Variants in NOL4 observed in about 807,000 individuals in gnomAD.
NOL4 encodes cancer/testis antigen 125.
Under a neutral mutation model 75.9 loss-of-function variants are expected in NOL4, and 17 were observed. The ratio of observed to expected loss-of-function variants is 0.22; its 90% CI spans 0.15 to 0.34. The LOEUF (loss-of-function observed/expected upper bound fraction) is 0.34. Ranked by LOEUF, NOL4 falls within the 10% of genes least tolerant of loss-of-function variation. The pLI, the probability that NOL4 is intolerant of heterozygous loss-of-function variation, is 1.00. For synonymous variants in NOL4, 292 were observed against 289.9 expected (o/e 1.01, Z -0.07); for missense variants, 614 against 793.5 (o/e 0.77, Z 2.72).
intron 9 of NOL4, among the ~76,000 whole-genome samples, chr18:33,929,350 T>C (rs1354137558): frequency 6.6e-6 from 1 of 152,162 alleles, no homozygotes; most frequent in African/African-American, 2.4e-5. Flanking sequence ...TTTCTGTCAA[T>C]ATCTTCATTA....
intron 6 of NOL4, among the ~76,000 whole-genome samples, chr18:33,993,272 C>G (rs2073051619): frequency 6.6e-6 from 1 of 151,884 alleles, no homozygotes; most frequent in Admixed American, 6.6e-5. Flanking sequence ...CAACTAATAG[C>G]TGGGTGTGAT....
chr18:34,047,063 T>G (rs1277240179), intron 5 of NOL4, among the ~76,000 whole-genome samples: 1 of 152,068 alleles, frequency 6.6e-6, no homozygotes, highest in Non-Finnish European at 1.5e-5. Flanking sequence ...GTATAACCCT[T>G]CTAGTTTTGT....
At chr18:33,855,771 A>T (rs2062810064) in intron 10 of NOL4, among the ~76,000 whole-genome samples, 1 of 152,098 alleles carries the variant, frequency 6.6e-6, no homozygotes, top group Non-Finnish European at 1.5e-5. Context: ...TTTAAGTTAT[A>T]AATAAATTTC....
chr18:33,899,659 C>T (rs1174657011), intron 9 of NOL4, among the ~76,000 whole-genome samples: 1 of 152,158 alleles, frequency 6.6e-6, no homozygotes, highest in Non-Finnish European at 1.5e-5. Context: ...AGTGAATGGA[C>T]TCGATTCAGA....
chr18:33,995,189 A>C (rs932211077), intron 6 of NOL4, among the ~76,000 whole-genome samples: 3 of 151,594 alleles, frequency 2.0e-5, no homozygotes, highest in Admixed American at 2.0e-4. Context: ...ACGTTTAAAA[A>C]CAGATGACTA....
intron 1 of NOL4, among the ~76,000 whole-genome samples, chr18:34,174,286 C>A (rs1477360251): frequency 7.8e-6 from 1 of 128,016 alleles, no homozygotes; most frequent in Non-Finnish European, 1.6e-5. Context: ...AGAGAAAGAA[C>A]CTCTGAAAAT....
intron 9 of NOL4, among the ~76,000 whole-genome samples, chr18:33,936,215 A>C (rs912754057): frequency 6.6e-6 from 1 of 152,096 alleles, no homozygotes; most frequent in East Asian, 1.9e-4. Flanking sequence ...CAACCTTTGC[A>C]CCTGCAATTA....
chr18:34,084,217 G>A (rs1488840955), intron 5 of NOL4, among the ~76,000 whole-genome samples: 1 of 152,102 alleles, frequency 6.6e-6, no homozygotes, highest in Admixed American at 6.5e-5. Flanking sequence ...TGGGCTGGGT[G>A]GAATCCCCCT....
chr18:34,149,509 T>C (rs1438640755), intron 1 of NOL4, among the ~76,000 whole-genome samples: 2 of 151,624 alleles, frequency 1.3e-5, no homozygotes, highest in African/African-American at 4.8e-5. Context: ...ATTCTTTCAC[T>C]ACTAAATTAA....
intron 9 of NOL4, among the ~76,000 whole-genome samples, chr18:33,886,777 A>G (rs573087349): frequency 1.4e-5 from 2 of 145,556 alleles, no homozygotes; most frequent in African/African-American, 2.5e-5. Flanking sequence ...ATATCTATAT[A>G]TATATATCTA....
At chr18:34,117,406 A>C (rs2079911854) in intron 2 of NOL4, among the ~76,000 whole-genome samples, 1 of 152,228 alleles carries the variant, frequency 6.6e-6, no homozygotes, top group African/African-American at 2.4e-5. Context: ...AAGAGCTGGG[A>C]TATTAACCTC....
chr18:34,010,072 ACCCTAAGAT>A (rs201630949), intron 6 of NOL4, among the ~76,000 whole-genome samples: 1,871 of 151,880 alleles, frequency 0.012, 30 homozygotes, highest in East Asian at 0.087. Flanking sequence ...ACCCCAGCTA[ACCCTAAGAT>A]CGCCATTTTA....
Position 33,911,705 on chromosome 18 carries a change from TC to T in NOL4, c.1543-28282del, listed in dbSNP as rs1252287083. On this transcript the variant is annotated intron_variant, in intron 9 of 10. Transcript: ENST00000261592. ...ATATTTAAGTGCCAGGACTATAATT[TC>T]CCCCCTCTGGCTTCTTCGTTTCTGG... is the stretch of plus-strand genomic sequence containing the variant. 3.9e-5 allele frequency among the ~76,000 whole-genome samples: 6 copies of T among 152,126 alleles called. No homozygotes were observed. In the East Asian group the frequency reaches 9.6e-4, roughly 24 times the overall value.
In NOL4 at chr18:33,851,577, A is replaced by G. The variant is rs1340813075; in HGVS notation, c.*1265T>C. On this transcript the variant is annotated 3_prime_UTR_variant, in exon 11 of 11. Coordinates refer to ENST00000261592, the MANE Select transcript of NOL4 (RefSeq NM_003787.5). Reference sequence around the variant, plus strand: ...TAATCCAACCAAAGCTAAACAACAGAAAAAAGTTGTATAAGAAGCATGAAC... The same window carrying G: ...TAATCCAACCAAAGCTAAACAACAGGAAAAAGTTGTATAAGAAGCATGAAC... 6.6e-6 allele frequency: 1 copy of G among 152,470 alleles called. No individual in the cohort carries two copies. The highest frequency in any genetic ancestry group is 1.5e-5 in the Non-Finnish European group (1 of 67,990). 9.4% of individuals were successfully genotyped at this position (152,470 alleles called of 1,614,324 possible).
At chr18:33,991,532 A>T (rs965786016) in intron 6 of NOL4, among the ~76,000 whole-genome samples, 37 of 151,774 alleles carry the variant, frequency 2.4e-4, no homozygotes, top group East Asian at 9.7e-4. Flanking sequence ...ATTACACTGC[A>T]TTTTTTTTAC....
chr18:33,889,183 G>A (rs2064948987), intron 9 of NOL4, among the ~76,000 whole-genome samples: 1 of 151,876 alleles, frequency 6.6e-6, no homozygotes, highest in African/African-American at 2.4e-5. Context: ...AATGATAAAG[G>A]GGATATCACC....
chr18:33,953,170 G>A (rs1230500422), intron 8 of NOL4, among the ~76,000 whole-genome samples: 4 of 128,468 alleles, frequency 3.1e-5, no homozygotes, highest in South Asian at 2.3e-4. Context: ...ATTGTCTAAC[G>A]AGATGTTAGA....
chr18:33,859,639 C>A (rs1240248203), intron 10 of NOL4, among the ~76,000 whole-genome samples: 2 of 152,154 alleles, frequency 1.3e-5, no homozygotes, highest in East Asian at 3.9e-4. Flanking sequence ...ATACCAGAGG[C>A]CAGGCATAGT....
chr18:34,123,120 C>CTT (rs368997906), intron 2 of NOL4, among the ~76,000 whole-genome samples: 4,768 of 138,686 alleles, frequency 0.034, 84 homozygotes, highest in Middle Eastern at 0.052. Flanking sequence ...GCTCTTACGT[C>CTT]TTTTTTTTTT....
Sources: gnomAD v4.1 joint callset for allele counts (sites outside exome capture counted in the v4.1 genomes callset) on GRCh38, gnomAD v4.1.1 for gene constraint, MANE v1.5 for transcripts, NCBI Gene and HGNC (gene_info 2026-07-23, HGNC 2026-07-21) for gene names.